The following DYSF variants were observed in gnomAD, a reference collection of about 807,000 sequenced individuals.
The protein encoded by DYSF is dysferlin.
Under a neutral mutation model 274.9 loss-of-function variants are expected in DYSF, and 212 were observed. The observed-to-expected ratio is 0.77, with a 90% CI of 0.69 to 0.86. DYSF has a LOEUF of 0.86. DYSF is among the 40% of genes least tolerant of loss of function. The pLI, the probability that DYSF is intolerant of heterozygous loss-of-function variation, is 0.00. For missense variants in DYSF, 2,666 were observed against 2,783.2 expected (o/e 0.96, Z 0.95); for synonymous variants, 1,091 against 1,078.7 (o/e 1.01, Z -0.22).
chr2:71,560,696 G>A (rs968368860), intron 22 of DYSF, among the ~76,000 whole-genome samples: 2 of 152,198 alleles, frequency 1.3e-5, no homozygotes, highest in Non-Finnish European at 2.9e-5. Flanking sequence ...CTGCGCTCCG[G>A]CGGTAATTGG....
At chr2:71,608,269 T>TG (rs34957963) in intron 36 of DYSF, among the ~76,000 whole-genome samples, 24,991 of 150,972 alleles carry the variant, frequency 0.17, 4,197 homozygotes, top group African/African-American at 0.44. Flanking sequence ...AGGGCGCGGG[T>TG]GGATTTGGGA....
chr2:71,653,488 T>G (rs1346144136), intron 42 of DYSF, among the ~76,000 whole-genome samples: 1 of 152,002 alleles, frequency 6.6e-6, no homozygotes, highest in Non-Finnish European at 1.5e-5. Flanking sequence ...CCATAAAGAA[T>G]GATGAGTTCA....
At chr2:71,638,752 T>C (rs2094444715) in intron 41 of DYSF, among the ~76,000 whole-genome samples, 1 of 152,242 alleles carries the variant, frequency 6.6e-6, no homozygotes, top group African/African-American at 2.4e-5. Context: ...ATCTGAGTCT[T>C]TCCACCCTTT....
chr2:71,499,772 C>T (rs1368980917), intron 3 of DYSF, among the ~76,000 whole-genome samples: 1 of 152,206 alleles, frequency 6.6e-6, no homozygotes, highest in East Asian at 1.9e-4. Context: ...CCCCCACATT[C>T]CAATGGCTCC....
Position 71,669,115 on chromosome 2 carries a change from T to C in DYSF, c.5550T>C (p.Phe1850=). The change falls in exon 50 of 56, where the codon TTT becomes TTC. Residue 1850 remains phenylalanine (F), a synonymous_variant. Transcript: ENST00000410020. The part of the protein sequence containing the change: ...FNITPRRARR[F]FLRCIIWNTR... The stretch of plus-strand genomic sequence containing the variant: ...TTAGAGTGATACCTTTCCCCAGGTT[T>C]TTCCTGCGTTGTATTATCTGGAATA... The C allele has an allele frequency of 6.3e-7, 1 of 1,597,856 alleles. No homozygotes were observed. The highest frequency in any genetic ancestry group is 8.5e-7 in the Non-Finnish European group (1 of 1,171,704).
chr2:71,535,159 C>T, intron 15 of DYSF, 70 bp downstream of exon 15: 1 of 1,604,746 alleles, frequency 6.2e-7, no homozygotes, highest in Non-Finnish European at 8.5e-7. Flanking sequence ...TCCAGGGCTC[C>T]TGCCTCCCCA....
intron 11 of DYSF, among the ~76,000 whole-genome samples, chr2:71,520,475 G>A (rs990379031): frequency 6.6e-6 from 1 of 152,208 alleles, no homozygotes; most frequent in African/African-American, 2.4e-5. Context: ...GGCAGACAGG[G>A]ACAGGTCATT....
intron 33 of DYSF, 100 bp downstream of exon 33, chr2:71,598,845 C>A: frequency 1.5e-6 from 2 of 1,375,530 alleles, no homozygotes; most frequent in South Asian, 1.2e-5. Flanking sequence ...GATGGGTGCT[C>A]TCCTAACTCC....
At chr2:71,509,749 A>G (rs72898890) in intron 4 of DYSF, among the ~76,000 whole-genome samples, 300 of 152,098 alleles carry the variant, frequency 2.0e-3, no homozygotes, top group African/African-American at 6.9e-3. Context: ...TCCTTTTGAC[A>G]TGTTTTTACT....
In DYSF at chr2:71,516,258, C is replaced by A; in HGVS notation, c.951+16C>A. ...CTTTATCACGGTATGTCTCAGCAGTCAAAGTGTTCTCCGTGGGCTGTATGT... is the reference window on the plus strand; with the variant it reads ...CTTTATCACGGTATGTCTCAGCAGTAAAAGTGTTCTCCGTGGGCTGTATGT... On this transcript the variant is annotated intron_variant, in intron 9 of 55. Transcript: ENST00000410020. The A allele has an allele frequency of 1.9e-6, 3 of 1,613,458 alleles. No homozygotes were observed. The highest frequency in any genetic ancestry group is 1.7e-4 in the Middle Eastern group (1 of 6,060).
At chr2:71,634,439 T>A (rs1056719518) in intron 41 of DYSF, among the ~76,000 whole-genome samples, 2 of 152,206 alleles carry the variant, frequency 1.3e-5, no homozygotes, top group Non-Finnish European at 1.5e-5. Flanking sequence ...GTCCTGTTTT[T>A]TGTGGGGCTC....
intron 41 of DYSF, among the ~76,000 whole-genome samples, chr2:71,631,057 G>A (rs921159461): frequency 6.6e-6 from 1 of 152,176 alleles, no homozygotes; most frequent in African/African-American, 2.4e-5. Context: ...CCAGGTTGGG[G>A]GGATGTGGGA....
chr2:71,561,983 C>T (rs745522289), intron 23 of DYSF, 39 bp downstream of exon 23: 3 of 1,598,562 alleles, frequency 1.9e-6, no homozygotes, highest in East Asian at 2.3e-5. Flanking sequence ...TTCTGCTCTC[C>T]TGCTGCCTGG....
At chr2:71,493,062 T>TA (rs368785626) in intron 3 of DYSF, among the ~76,000 whole-genome samples, 845 of 50,864 alleles carry the variant, frequency 0.017, 3 homozygotes, top group African/African-American at 0.032. Context: ...AATATATATA[T>TA]TTTTTTTGTA....
intron 33 of DYSF, among the ~76,000 whole-genome samples, chr2:71,600,042 G>A (rs1048610797): frequency 6.6e-6 from 1 of 152,150 alleles, no homozygotes; most frequent in Non-Finnish European, 1.5e-5. Flanking sequence ...GGCACTTCTC[G>A]GGGGGACTCG....
At chr2:71,624,539 T>G (rs1319163114) in intron 41 of DYSF, among the ~76,000 whole-genome samples, 3 of 152,198 alleles carry the variant, frequency 2.0e-5, no homozygotes, top group African/African-American at 7.2e-5. Flanking sequence ...TGAAAGGCCC[T>G]AAAATACACC....
intron 17 of DYSF, among the ~76,000 whole-genome samples, chr2:71,546,797 C>T (rs903059650): frequency 2.0e-5 from 3 of 152,246 alleles, no homozygotes; most frequent in African/African-American, 7.2e-5. Flanking sequence ...TTGCCTGGCG[C>T]AAGCGAGAGT....
chr2:71,579,021 C>T (rs776130501), intron 30 of DYSF, among the ~76,000 whole-genome samples: 9 of 152,186 alleles, frequency 5.9e-5, no homozygotes, highest in Non-Finnish European at 8.8e-5. Flanking sequence ...ATCTTCCTGG[C>T]GTTCCCAGGG....
intron 30 of DYSF, among the ~76,000 whole-genome samples, chr2:71,575,672 G>A (rs1179391645): frequency 3.3e-5 from 5 of 152,118 alleles, no homozygotes. Context: ...AAAGACCTTG[G>A]CAGGCCTCAG....
Sources: gnomAD v4.1 joint callset for allele counts (sites outside exome capture counted in the v4.1 genomes callset) on GRCh38, gnomAD v4.1.1 for gene constraint, MANE v1.5 for transcripts, NCBI Gene and HGNC (gene_info 2026-07-23, HGNC 2026-07-21) for gene names.